Variants in PUDP observed in about 807,000 individuals in gnomAD.
PUDP encodes the protein pseudouridine 5'-phosphatase.
In PUDP, 8 loss-of-function variants were observed where a neutral mutation model predicts 9.4. The ratio of observed to expected loss-of-function variants is 0.85; its 90% CI spans 0.50 to 1.53. The LOEUF is 1.53. PUDP is among the 40% of genes most tolerant of loss of function. The probability of loss-of-function intolerance (pLI) is 0.00; values close to 1 mark genes in which losing one functional copy is unlikely to be tolerated. For synonymous variants in PUDP, 99 were observed against 80.7 expected (o/e 1.23, Z -1.22); for missense variants, 188 against 189.7 (o/e 0.99, Z 0.05).
At chrX:6,891,292 T>C (rs1357084215) in intron 3 of PUDP, among the ~76,000 whole-genome samples, 2 of 112,071 alleles carry the variant, frequency 1.8e-5, no homozygotes, top group Non-Finnish European at 3.8e-5. Flanking sequence ...ATCACTTCCA[T>C]GAATAACAAG....
chrX:6,917,238 G>A (rs6639709), intron 3 of PUDP, among the ~76,000 whole-genome samples: 22,862 of 110,066 alleles, frequency 0.21, 1,903 homozygotes, highest in Admixed American at 0.35. Flanking sequence ...ATTGTGGTGC[G>A]TATCTGCAGT....
At position 6,798,502 on chromosome X, in the gene PUDP, T is replaced by C. The variant is rs184236132; in HGVS notation, c.*248-92036A>G. On this transcript the variant is annotated intron_variant and NMD_transcript_variant, in intron 3 of 3. Coordinates refer to the PUDP transcript ENST00000655425. ...TTTTTTCATCATTCTCAGATGCCCATGTTCACATTTGGAAAAAAGGGTAAA... is the reference window on the plus strand; with the variant it reads ...TTTTTTCATCATTCTCAGATGCCCACGTTCACATTTGGAAAAAAGGGTAAA... Among the ~76,000 whole-genome samples the C allele has an allele frequency of 2.1e-4, 23 of 111,425 alleles. No homozygotes were observed. In the East Asian group the frequency reaches 5.1e-3, roughly 25 times the overall value.
chrX:7,016,341 G>A (rs1602714731), intron 1 of PUDP, among the ~76,000 whole-genome samples: 1 of 110,488 alleles, frequency 9.1e-6, no homozygotes, highest in East Asian at 2.9e-4. Context: ...TCAGTATTCA[G>A]GTCATGGGGG....
At chrX:7,141,103 T>C (rs1307547754) in intron 1 of PUDP, among the ~76,000 whole-genome samples, 4 of 111,796 alleles carry the variant, frequency 3.6e-5, no homozygotes, top group African/African-American at 9.8e-5. Context: ...TCAGGCTAAT[T>C]AATAACCCTA....
intron 3 of PUDP, among the ~76,000 whole-genome samples, chrX:6,752,974 G>A (rs112590940): frequency 0.03 from 3,303 of 111,260 alleles, 46 homozygotes; most frequent in Non-Finnish European, 0.046. Context: ...ATTTGTAACT[G>A]ATATGGTTTG....
At chrX:6,745,896 G>A (rs1185960820) in intron 3 of PUDP, among the ~76,000 whole-genome samples, 3 of 111,309 alleles carry the variant, frequency 2.7e-5, no homozygotes, top group Non-Finnish European at 3.8e-5. Flanking sequence ...CTCCTGCTCT[G>A]GCCTCCTAAA....
intron 3 of PUDP, among the ~76,000 whole-genome samples, chrX:6,800,381 G>T (rs1199905915): frequency 8.9e-6 from 1 of 111,816 alleles, no homozygotes; most frequent in Admixed American, 9.5e-5. Flanking sequence ...ATGAGAAAAT[G>T]AAAGAAAATG....
chrX:7,127,179 T>A (rs1342259855), intron 1 of PUDP, among the ~76,000 whole-genome samples: 1 of 111,878 alleles, frequency 8.9e-6, no homozygotes, highest in East Asian at 2.8e-4. Context: ...CACTGAAGGA[T>A]GAGGAGTCAG....
At chrX:7,137,361 T>A (rs746612040) in intron 1 of PUDP, among the ~76,000 whole-genome samples, 12 of 105,218 alleles carry the variant, frequency 1.1e-4, no homozygotes, top group Non-Finnish European at 2.1e-4. Context: ...GCTAACATGG[T>A]GAAACCCTGT....
intron 3 of PUDP, among the ~76,000 whole-genome samples, chrX:6,895,901 G>A (rs1183472578): frequency 5.4e-5 from 6 of 110,735 alleles, no homozygotes; most frequent in Non-Finnish European, 7.6e-5. Context: ...ATGTCCTCAC[G>A]TGGGGGAAGG....
intron 3 of PUDP, among the ~76,000 whole-genome samples, chrX:7,069,219 C>A (rs1196571573): frequency 3.6e-5 from 4 of 111,226 alleles, no homozygotes; most frequent in African/African-American, 1.3e-4. Context: ...GTGGTTTCAG[C>A]AGTCAGGAGC....
chrX:6,918,468 A>AC (rs1211718718), intron 3 of PUDP, among the ~76,000 whole-genome samples: 1 of 112,010 alleles, frequency 8.9e-6, no homozygotes, highest in East Asian at 2.8e-4. Context: ...CAAAAAAAAA[A>AC]ACATAATTTA....
At chrX:7,116,914 ACT>A (rs1453791098) in intron 1 of PUDP, 47 of 1,155,178 alleles carry the variant, frequency 4.1e-5, no homozygotes, top group Middle Eastern at 3.2e-4. Flanking sequence ...CCTCCCCCCA[ACT>A]CTCTCTCTGG....
intron 2 of PUDP, among the ~76,000 whole-genome samples, chrX:7,103,269 C>T (rs779930789): frequency 3.6e-5 from 4 of 111,908 alleles, no homozygotes; most frequent in East Asian, 5.6e-4. Context: ...ATTTGTCAAA[C>T]GATCTTCAAC....
intron 1 of PUDP, among the ~76,000 whole-genome samples, chrX:7,131,182 C>T (rs1932611626): frequency 8.9e-6 from 1 of 111,806 alleles, no homozygotes; most frequent in Admixed American, 9.5e-5. Flanking sequence ...CAAGTCACTG[C>T]TATTCACCTG....
intron 3 of PUDP, among the ~76,000 whole-genome samples, chrX:7,052,483 T>G (rs951129997): frequency 8.9e-6 from 1 of 112,204 alleles, no homozygotes; most frequent in African/African-American, 3.2e-5. Context: ...GCGTTTTCAG[T>G]AGAAAACACT....
intron 3 of PUDP, among the ~76,000 whole-genome samples, chrX:6,822,113 C>T (rs1926351396): frequency 9.0e-6 from 1 of 111,472 alleles, no homozygotes; most frequent in Admixed American, 9.5e-5. Flanking sequence ...CTTTCTTTTG[C>T]CTATTAAACT....
intron 1 of PUDP, among the ~76,000 whole-genome samples, chrX:7,115,558 G>A (rs768737855): frequency 8.9e-6 from 1 of 112,524 alleles, no homozygotes; most frequent in Admixed American, 9.4e-5. Flanking sequence ...AGGAAATCCA[G>A]CCCTTCACAG....
chrX:7,102,325 A>G (rs1490841502), intron 2 of PUDP, among the ~76,000 whole-genome samples: 1 of 109,931 alleles, frequency 9.1e-6, no homozygotes, highest in Non-Finnish European at 1.9e-5. Flanking sequence ...ACCAAAAAAA[A>G]AAAAAAAAAC....
Sources: allele counts gnomAD v4.1 joint callset (sites outside exome capture counted in the v4.1 genomes callset), GRCh38; gene constraint gnomAD v4.1.1; transcripts MANE v1.5; gene names NCBI Gene and HGNC (gene_info 2026-07-23, HGNC 2026-07-21).